GRHL2: variants seen among roughly 807,000 people sequenced by gnomAD.
GRHL2 encodes the protein grainyhead-like protein 2 homolog.
A neutral mutation model predicts 83.8 loss-of-function variants in GRHL2; 21 were observed. The observed-to-expected ratio is 0.25, with a 90% confidence interval of 0.18 to 0.36. The LOEUF is 0.36. GRHL2 is among the 10% of genes least tolerant of loss of function. GRHL2 has a pLI of 1.00. For synonymous variants in GRHL2, 280 were observed against 278.9 expected (o/e 1.00, Z -0.04); for missense variants, 623 against 781.8 (o/e 0.80, Z 2.42).
intron 13 of GRHL2, among the ~76,000 whole-genome samples, chr8:101,647,005 C>A (rs1434438052): frequency 6.6e-6 from 1 of 152,142 alleles, no homozygotes; most frequent in African/African-American, 2.4e-5. Flanking sequence ...ACACCTGAAG[C>A]AAGAAGAGCA....
At chr8:101,545,439 T>G (rs572702951) in intron 2 of GRHL2, among the ~76,000 whole-genome samples, 1 of 67,016 alleles carries the variant, frequency 1.5e-5, no homozygotes, top group East Asian at 3.6e-4. Context: ...GAAGGGGAAT[T>G]CCTGAAAAAA....
At chr8:101,587,153 T>C (rs1812185689) in intron 7 of GRHL2, among the ~76,000 whole-genome samples, 1 of 152,222 alleles carries the variant, frequency 6.6e-6, no homozygotes, top group Non-Finnish European at 1.5e-5. Context: ...AATGTGTCCC[T>C]TCGTCATTTT....
At chr8:101,566,203 G>GT (rs1175629194) in intron 4 of GRHL2, among the ~76,000 whole-genome samples, 1 of 152,122 alleles carries the variant, frequency 6.6e-6, no homozygotes, top group African/African-American at 2.4e-5. Flanking sequence ...TTGTTAATGT[G>GT]TTTTAGCACC....
chr8:101,505,208 T>C (rs1050347933), intron 1 of GRHL2, among the ~76,000 whole-genome samples: 1 of 152,150 alleles, frequency 6.6e-6, no homozygotes, highest in Non-Finnish European at 1.5e-5. Flanking sequence ...CTTTTCTTCA[T>C]ATTGTATAGA....
At chr8:101,588,259 T>C (rs1184946932) in intron 7 of GRHL2, among the ~76,000 whole-genome samples, 1 of 152,170 alleles carries the variant, frequency 6.6e-6, no homozygotes, top group Middle Eastern at 3.2e-3. Context: ...CACTCACACA[T>C]ACAGTCTGGG....
intron 14 of GRHL2, among the ~76,000 whole-genome samples, chr8:101,660,160 C>T (rs930647127): frequency 1.3e-5 from 2 of 152,216 alleles, no homozygotes; most frequent in Non-Finnish European, 2.9e-5. Context: ...GTTATTACAT[C>T]TGTAACAATT....
chr8:101,661,353 A>G (rs1400353664), intron 14 of GRHL2, among the ~76,000 whole-genome samples: 1 of 151,842 alleles, frequency 6.6e-6, no homozygotes, highest in African/African-American at 2.4e-5. Flanking sequence ...ATTTGGATGG[A>G]GCTCTTTTGT....
intron 15 of GRHL2, among the ~76,000 whole-genome samples, chr8:101,664,835 G>A (rs891224841): frequency 1.3e-5 from 2 of 152,062 alleles, no homozygotes; most frequent in Non-Finnish European, 2.9e-5. Context: ...AGGGAGTGGA[G>A]TTTATAGGGA....
intron 1 of GRHL2, among the ~76,000 whole-genome samples, chr8:101,531,573 C>CCA (rs963071566): frequency 2.6e-5 from 4 of 151,524 alleles, no homozygotes; most frequent in Admixed American, 6.6e-5. Flanking sequence ...CACACACACA[C>CCA]CACACACACA....
Position 101,573,778 on chromosome 8 carries a change from A to G in GRHL2, c.845A>G (p.Glu282Gly), listed in dbSNP as rs765070751. 22 of 1,614,104 alleles carry G rather than the reference A, an allele frequency of 1.4e-5. No homozygotes were observed. Among genetic ancestry groups the G allele is most frequent in the Non-Finnish European group, 1.7e-5 (20 of 1,180,036 alleles). Residue 282 changes from glutamate to glycine, a missense_variant, in exon 6 of 16, where the codon GAG becomes GGG. Around this residue, in one of 8 missense-constraint regions of GRHL2, gnomAD observed 96 missense variants for 144.8 expected, o/e 0.66. Transcript: ENST00000646743. Reference protein sequence around the residue: ...KGQFYAITLSETGDNKCFRHP... With the variant: ...KGQFYAITLSGTGDNKCFRHP... The stretch of plus-strand genomic sequence containing the variant: ...CAGTTCTATGCCATAACACTCAGCG[A>G]GACCGGAGACAACAAATGCTTCCGA...
intron 1 of GRHL2, among the ~76,000 whole-genome samples, chr8:101,534,867 T>C (rs939744575): frequency 6.6e-6 from 1 of 152,188 alleles, no homozygotes; most frequent in Admixed American, 6.5e-5. Flanking sequence ...ATTTAAAGTG[T>C]TGTGTGGTGG....
At chr8:101,555,080 C>T (rs897891128) in intron 3 of GRHL2, among the ~76,000 whole-genome samples, 2 of 152,154 alleles carry the variant, frequency 1.3e-5, no homozygotes, top group Non-Finnish European at 2.9e-5. Flanking sequence ...TGTATTCTTT[C>T]TTTAGAATTC....
chr8:101,558,787 A>T lies in GRHL2; in HGVS notation c.653A>T (p.Glu218Val). 2 of 1,614,148 alleles carry T rather than the reference A, an allele frequency of 1.2e-6. No homozygotes were observed. The highest frequency in any genetic ancestry group is 1.6e-4 in the Middle Eastern group (1 of 6,062). Residue 218 changes from glutamate (E) to valine (V), a missense_variant, in exon 4 of 16, where the codon GAG (glutamate) becomes GTG (valine). Around this residue, in one of 8 missense-constraint regions of GRHL2, gnomAD observed 239 missense variants for 240.5 expected, o/e 0.99. Transcript: ENST00000646743. ...AGCACTCCGGACAGCACATACAGCG[A>T]GAGCTTCAAGGACGCAGCCACAGAG... ...QRSTPDSTYSESFKDAATEKF... is the reference protein window; with the variant it reads ...QRSTPDSTYSVSFKDAATEKF...
intron 8 of GRHL2, among the ~76,000 whole-genome samples, chr8:101,608,759 A>T (rs1375506351): frequency 7.0e-6 from 1 of 142,438 alleles, no homozygotes; most frequent in African/African-American, 3.0e-5. Flanking sequence ...ACACACACAC[A>T]CACACACACA....
At chr8:101,678,528 C>A in the GRHL2 span, among the ~76,000 whole-genome samples, 2 of 152,172 alleles carry the variant, frequency 1.3e-5, no homozygotes, top group African/African-American at 4.8e-5. Flanking sequence ...ATTGCCCAGG[C>A]TTGCTTAGGT....
intron 7 of GRHL2, among the ~76,000 whole-genome samples, chr8:101,584,787 C>CCAGGTGGCTAGGTGGT (rs1380205237): frequency 2.0e-5 from 3 of 151,268 alleles, no homozygotes; most frequent in South Asian, 2.1e-4. Context: ...AGTCAGGTAG[C>CCAGGTGGCTAGGTGGT]CAGGTGGCTA....
chr8:101,646,133 C>T (rs1447798715), intron 13 of GRHL2, among the ~76,000 whole-genome samples: 1 of 152,164 alleles, frequency 6.6e-6, no homozygotes, highest in Non-Finnish European at 1.5e-5. Flanking sequence ...TTCCAAAGTG[C>T]TGGGATTACA....
At chr8:101,596,380 A>T (rs1028530806) in intron 7 of GRHL2, among the ~76,000 whole-genome samples, 1 of 152,224 alleles carries the variant, frequency 6.6e-6, no homozygotes, top group African/African-American at 2.4e-5. Flanking sequence ...AAAATGAATT[A>T]AAAGCCTTAA....
At chr8:101,516,287 G>C (rs1810570635) in intron 1 of GRHL2, among the ~76,000 whole-genome samples, 1 of 151,870 alleles carries the variant, frequency 6.6e-6, no homozygotes, top group Non-Finnish European at 1.5e-5. Context: ...TATCAAAGAA[G>C]TATATTTAGT....
Sources: gnomAD v4.1 joint callset for allele counts (sites outside exome capture counted in the v4.1 genomes callset) on GRCh38, gnomAD v4.1.1 for gene constraint, gnomAD v4.1.1 regional missense constraint, MANE v1.5 for transcripts, NCBI Gene and HGNC (gene_info 2026-07-23, HGNC 2026-07-21) for gene names.